The following CNTN4 variants were observed in gnomAD, a reference collection of about 807,000 sequenced individuals.
The protein encoded by CNTN4 is contactin-4.
CNTN4 carries 77 observed loss-of-function variants against 122.5 expected under a neutral mutation model. That is an observed-to-expected ratio of 0.63 (90% CI 0.52 to 0.76). The LOEUF (loss-of-function observed/expected upper bound fraction) is 0.76, where lower values mean the gene tolerates loss of function less well. Among genes scored for constraint, CNTN4 ranks in the 30% least tolerant of loss-of-function variants. The probability of loss-of-function intolerance (pLI) is 0.00; values close to 1 mark genes in which losing one functional copy is unlikely to be tolerated. For synonymous variants in CNTN4, 512 were observed against 447.0 expected, an observed-to-expected ratio of 1.15 and a Z score of -1.83; for missense variants, 1,256 against 1,259.1, an observed-to-expected ratio of 1.00 and a Z score of 0.04.
At chr3:2,215,195 C>CA (rs2149460408) in intron 2 of CNTN4, among the ~76,000 whole-genome samples, 1 of 152,178 alleles carries the variant, frequency 6.6e-6, no homozygotes, top group African/African-American at 2.4e-5. Flanking sequence ...ATTCATTTAT[C>CA]AAAAAATGTA....
intron 4 of CNTN4, among the ~76,000 whole-genome samples, chr3:2,624,254 C>T (rs1350554235): frequency 2.0e-5 from 3 of 152,154 alleles, no homozygotes; most frequent in Non-Finnish European, 2.9e-5. Context: ...TTCACCAGTA[C>T]ACTAAAAGGG....
At chr3:2,565,298 T>A (rs1444723713) in intron 3 of CNTN4, among the ~76,000 whole-genome samples, 2 of 152,180 alleles carry the variant, frequency 1.3e-5, no homozygotes, top group African/African-American at 4.8e-5. Context: ...AAAAACCAAT[T>A]AACACATATT....
At chr3:2,667,094 G>C (rs1215145137) in intron 4 of CNTN4, among the ~76,000 whole-genome samples, 1 of 151,976 alleles carries the variant, frequency 6.6e-6, no homozygotes, top group Non-Finnish European at 1.5e-5. Context: ...ATAATCCTTG[G>C]GGTATATACC....
chr3:2,172,298 G>T (rs1055302849), intron 2 of CNTN4, among the ~76,000 whole-genome samples: 4 of 152,192 alleles, frequency 2.6e-5, no homozygotes, highest in South Asian at 2.1e-4. Context: ...AAGTAACTCA[G>T]AAATGGAAAA....
chr3:2,197,699 G>A (rs1273245772), intron 2 of CNTN4, among the ~76,000 whole-genome samples: 2 of 151,996 alleles, frequency 1.3e-5, no homozygotes, highest in African/African-American at 2.4e-5. Flanking sequence ...AGAGATGATG[G>A]ATATAGATAC....
chr3:2,317,134 A>G (rs1041376519), intron 2 of CNTN4, among the ~76,000 whole-genome samples: 3 of 152,334 alleles, frequency 2.0e-5, no homozygotes, highest in South Asian at 2.1e-4. Context: ...TATGGACTAC[A>G]TGGCAAATAT....
At chr3:2,363,859 A>G (rs2045263292) in intron 3 of CNTN4, among the ~76,000 whole-genome samples, 1 of 152,236 alleles carries the variant, frequency 6.6e-6, no homozygotes, top group Non-Finnish European at 1.5e-5. Flanking sequence ...CCAAAGACTG[A>G]AACAATAAAT....
intron 3 of CNTN4, among the ~76,000 whole-genome samples, chr3:2,489,264 A>G (rs1263032415): frequency 6.6e-6 from 1 of 152,184 alleles, no homozygotes; most frequent in East Asian, 1.9e-4. Flanking sequence ...TTATCATGTT[A>G]TGTCTAATAG....
At chr3:2,103,341 A>G (rs1170488799) in intron 2 of CNTN4, among the ~76,000 whole-genome samples, 1 of 152,264 alleles carries the variant, frequency 6.6e-6, no homozygotes, top group African/African-American at 2.4e-5. Context: ...GGAATTAGAT[A>G]TGATACAGCT....
intron 4 of CNTN4, among the ~76,000 whole-genome samples, chr3:2,674,268 T>C (rs902291152): frequency 6.0e-5 from 9 of 150,884 alleles, no homozygotes; most frequent in Non-Finnish European, 1.3e-4. Context: ...CCTCATCACG[T>C]TTTTTTTTAT....
intron 2 of CNTN4, among the ~76,000 whole-genome samples, chr3:2,328,481 A>G (rs1005668309): frequency 2.0e-5 from 3 of 152,220 alleles, no homozygotes; most frequent in Admixed American, 2.0e-4. Context: ...CGCATCATGT[A>G]AAACTTACGT....
intron 2 of CNTN4, among the ~76,000 whole-genome samples, chr3:2,233,548 A>T (rs2149559520): frequency 6.6e-6 from 1 of 152,258 alleles, no homozygotes; most frequent in East Asian, 1.9e-4. Context: ...TTATGTAAGG[A>T]TTATTTCCAG....
intron 2 of CNTN4, among the ~76,000 whole-genome samples, chr3:2,308,587 T>C (rs575881590): frequency 5.8e-4 from 88 of 152,208 alleles, no homozygotes; most frequent in African/African-American, 1.9e-3. Flanking sequence ...TATTCTGTTA[T>C]CATTTTCATG....
At chr3:2,937,168 G>A (rs2094574243) in intron 13 of CNTN4, among the ~76,000 whole-genome samples, 1 of 152,134 alleles carries the variant, frequency 6.6e-6, no homozygotes, top group Non-Finnish European at 1.5e-5. Context: ...TGTTCTTTGT[G>A]ACTTACACTT....
chr3:2,668,386 C>A (rs2084296400), intron 4 of CNTN4, among the ~76,000 whole-genome samples: 1 of 152,052 alleles, frequency 6.6e-6, no homozygotes, highest in Non-Finnish European at 1.5e-5. Context: ...TGATTTGGCT[C>A]TCTGTTTGTC....
At chr3:2,255,617 A>T (rs2040553631) in intron 2 of CNTN4, among the ~76,000 whole-genome samples, 1 of 152,184 alleles carries the variant, frequency 6.6e-6, no homozygotes, top group African/African-American at 2.4e-5. Context: ...TCAAATTAGA[A>T]CTCAGGATTA....
At chr3:2,536,396 C>G (rs949336959) in intron 3 of CNTN4, among the ~76,000 whole-genome samples, 1 of 152,048 alleles carries the variant, frequency 6.6e-6, no homozygotes, top group Non-Finnish European at 1.5e-5. Flanking sequence ...TATTTGACTT[C>G]ATATACTGAG....
At chr3:2,424,716 C>A (rs1009312165) in intron 3 of CNTN4, among the ~76,000 whole-genome samples, 1 of 152,196 alleles carries the variant, frequency 6.6e-6, no homozygotes, top group Non-Finnish European at 1.5e-5. Context: ...TCCACATCCT[C>A]TCCAGTACCT....
rs530597293 is a variant in CNTN4 at position 2,295,991 on chromosome 3, T to C, written c.-144-43187T>C. 2.4e-3 allele frequency among the ~76,000 whole-genome samples: 363 copies of C among 152,290 alleles called. 1 individual carries two copies. Among genetic ancestry groups the C allele is most frequent in the African/African-American group, 8.1e-3 (336 of 41,552 alleles). ...TTGTCAAAGATCAGATAGTTGTAGATATGCAGCATTATTTCTGAGGGCTCT... is the reference window on the plus strand; with the variant it reads ...TTGTCAAAGATCAGATAGTTGTAGACATGCAGCATTATTTCTGAGGGCTCT... On this transcript the variant is annotated intron_variant, in intron 2 of 24. Transcript: ENST00000418658.
Sources: gnomAD v4.1 joint callset for allele counts (sites outside exome capture counted in the v4.1 genomes callset) on GRCh38, gnomAD v4.1.1 for gene constraint, MANE v1.5 for transcripts, NCBI Gene and HGNC (gene_info 2026-07-23, HGNC 2026-07-21) for gene names.